Variants in PTPRD observed in about 807,000 individuals in gnomAD.
The protein encoded by PTPRD is receptor-type tyrosine-protein phosphatase delta.
Under a neutral mutation model 214.5 loss-of-function variants are expected in PTPRD, and 34 were observed. The ratio of observed to expected loss-of-function variants is 0.16; its 90% confidence interval spans 0.12 to 0.21. The LOEUF (loss-of-function observed/expected upper bound fraction) is 0.21, where lower values mean the gene tolerates loss of function less well. Ranked by LOEUF, PTPRD falls within the 10% of genes least tolerant of loss-of-function variation. The pLI is 1.00. For synonymous variants in PTPRD, 1,128 were observed against 845.7 expected, an observed-to-expected ratio of 1.33 and a Z score of -5.79; for missense variants, 2,545 against 2,398.7, an observed-to-expected ratio of 1.06 and a Z score of -1.27.
chr9:8,854,346 T>G (rs914128550), intron 11 of PTPRD, among the ~76,000 whole-genome samples: 2 of 152,178 alleles, frequency 1.3e-5, no homozygotes, highest in Non-Finnish European at 2.9e-5. Context: ...TAAGGAAGGA[T>G]AGTTTTAAAA....
At chr9:9,268,121 T>G (rs1940974647) in intron 9 of PTPRD, among the ~76,000 whole-genome samples, 1 of 151,038 alleles carries the variant, frequency 6.6e-6, no homozygotes, top group African/African-American at 2.4e-5. Flanking sequence ...TAGAAAACCC[T>G]AAAGACTCCA....
intron 2 of PTPRD, among the ~76,000 whole-genome samples, chr9:10,528,618 T>A (rs2055101979): frequency 6.6e-6 from 1 of 152,208 alleles, no homozygotes. Context: ...TGATGCTGTA[T>A]AAATAGATGT....
intron 5 of PTPRD, among the ~76,000 whole-genome samples, chr9:9,866,926 T>C (rs1163150741): frequency 6.6e-6 from 1 of 152,074 alleles, no homozygotes; most frequent in African/African-American, 2.4e-5. Context: ...TGCTTTTTGG[T>C]GGGGTGTAAG....
In PTPRD at chr9:10,278,672, T is replaced by C. The variant is rs187297108; in HGVS notation, c.-545+62291A>G. 7.0e-3 allele frequency among the ~76,000 whole-genome samples: 1,070 copies of C among 152,318 alleles called. 19 individuals carry two copies. Among genetic ancestry groups the C allele is most frequent in the Non-Finnish European group, 9.9e-3 (671 of 68,032 alleles). ...TAAATTTTCAAATCACATTAAACTT[T>C]ACTACTGATTCGAAGATAATGATTT... On this transcript the variant is annotated intron_variant, in intron 3 of 45. Coordinates refer to ENST00000381196, the MANE Select transcript of PTPRD (RefSeq NM_002839.4).
intron 3 of PTPRD, among the ~76,000 whole-genome samples, chr9:10,041,978 G>C (rs1048887681): frequency 6.6e-6 from 1 of 152,014 alleles, no homozygotes; most frequent in African/African-American, 2.4e-5. Flanking sequence ...CTGAAGTAAA[G>C]CAGCATCTGC....
At chr9:9,189,913 T>C (rs1593213561) in intron 9 of PTPRD, among the ~76,000 whole-genome samples, 1 of 152,028 alleles carries the variant, frequency 6.6e-6, no homozygotes, top group African/African-American at 2.4e-5. Flanking sequence ...AGTGTGGCTG[T>C]GTAATTTGAG....
At chr9:10,027,491 A>G (rs2096949296) in intron 4 of PTPRD, among the ~76,000 whole-genome samples, 1 of 152,292 alleles carries the variant, frequency 6.6e-6, no homozygotes, top group Non-Finnish European at 1.5e-5. Flanking sequence ...AAGTGCCAAA[A>G]CATGATTAAT....
At chr9:8,793,871 G>A (rs2096318011) in intron 11 of PTPRD, among the ~76,000 whole-genome samples, 1 of 152,148 alleles carries the variant, frequency 6.6e-6, no homozygotes, top group Admixed American at 6.5e-5. Context: ...ATAACCACCT[G>A]TCTAAAATCA....
At chr9:9,952,609 G>C (rs1027418095) in intron 4 of PTPRD, among the ~76,000 whole-genome samples, 20 of 152,232 alleles carry the variant, frequency 1.3e-4, no homozygotes, top group African/African-American at 4.6e-4. Context: ...TACTGAGGAA[G>C]ACCAGCGCTA....
At chr9:10,446,979 G>C (rs925285472) in intron 2 of PTPRD, among the ~76,000 whole-genome samples, 3 of 152,104 alleles carry the variant, frequency 2.0e-5, no homozygotes, top group African/African-American at 7.2e-5. Flanking sequence ...TTAGTGAGAC[G>C]ATCAGCCCAA....
At chr9:8,844,894 G>GTAGC (rs1210462475) in intron 11 of PTPRD, among the ~76,000 whole-genome samples, 1 of 152,096 alleles carries the variant, frequency 6.6e-6, no homozygotes, top group Non-Finnish European at 1.5e-5. Flanking sequence ...TGGAATTTGA[G>GTAGC]TAGCTTTTTT....
chr9:9,266,481 G>A (rs1197724103), intron 9 of PTPRD, among the ~76,000 whole-genome samples: 1 of 151,080 alleles, frequency 6.6e-6, no homozygotes, highest in African/African-American at 2.4e-5. Context: ...CATTCTCCAA[G>A]ATAGAACATT....
chr9:9,809,026 C>G (rs116140357), intron 5 of PTPRD, among the ~76,000 whole-genome samples: 2,041 of 151,478 alleles, frequency 0.013, 44 homozygotes, highest in African/African-American at 0.047. Context: ...CCTCAACTGG[C>G]CCTCCCACCT....
chr9:10,458,882 A>G (rs755064798), intron 2 of PTPRD, among the ~76,000 whole-genome samples: 4 of 152,090 alleles, frequency 2.6e-5, no homozygotes, highest in African/African-American at 7.2e-5. Context: ...CATTTCTTTT[A>G]TTTTTTAACT....
intron 10 of PTPRD, among the ~76,000 whole-genome samples, chr9:9,070,641 T>C (rs1412694564): frequency 1.3e-5 from 2 of 152,236 alleles, no homozygotes; most frequent in East Asian, 3.8e-4. Flanking sequence ...ACTTTTAACT[T>C]AATCTTTGTA....
chr9:9,198,818 G>A (rs1417464461), intron 9 of PTPRD, among the ~76,000 whole-genome samples: 1 of 152,068 alleles, frequency 6.6e-6, no homozygotes, highest in Non-Finnish European at 1.5e-5. Context: ...ACTGCATATA[G>A]TATATCTTCA....
chr9:9,208,821 T>C (rs7048320), intron 9 of PTPRD, among the ~76,000 whole-genome samples: 20,284 of 151,814 alleles, frequency 0.13, 1,647 homozygotes, highest in Non-Finnish European at 0.18. Context: ...TTTTTTTTTT[T>C]CTTTGAGATG....
intron 12 of PTPRD, among the ~76,000 whole-genome samples, chr9:8,652,101 C>G (rs955791224): frequency 6.6e-6 from 1 of 152,122 alleles, no homozygotes; most frequent in Non-Finnish European, 1.5e-5. Context: ...TTCCCCTGTC[C>G]TCTAATTTAC....
In PTPRD at chr9:9,940,195, T is replaced by C. The variant is rs558400226; in HGVS notation, c.-471-1585A>G. ...CTAAGAGTCAGATATATAGTGGGCC[T>C]CTTGGAGAGGAGCAATGATCTTGGT... On this transcript the variant is annotated intron_variant, in intron 4 of 45. Transcript: ENST00000381196. Among the ~76,000 whole-genome samples the C allele has an allele frequency of 1.1e-3, 167 of 152,222 alleles. 5 individuals carry two copies. In the South Asian group the frequency reaches 0.034, roughly 31 times the overall value.
Sources: gnomAD v4.1 joint callset for allele counts (sites outside exome capture counted in the v4.1 genomes callset) on GRCh38, gnomAD v4.1.1 for gene constraint, MANE v1.5 for transcripts, NCBI Gene and HGNC (gene_info 2026-07-23, HGNC 2026-07-21) for gene names.